Variants in SEMA5B observed in about 807,000 individuals in gnomAD.
SEMA5B encodes semaphorin-5B.
In SEMA5B, 66 loss-of-function variants were observed where a neutral mutation model predicts 135.0. The observed-to-expected ratio is 0.49, with a 90% CI of 0.40 to 0.60. The LOEUF is 0.60. Ranked by LOEUF, SEMA5B falls within the 20% of genes least tolerant of loss-of-function variation. The pLI, the probability that SEMA5B is intolerant of heterozygous loss-of-function variation, is 0.00. For missense variants in SEMA5B, 1,501 were observed against 1,566.3 expected, an observed-to-expected ratio of 0.96 and a Z score of 0.70; for synonymous variants, 690 against 639.5, an observed-to-expected ratio of 1.08 and a Z score of -1.19.
intron 1 of SEMA5B, among the ~76,000 whole-genome samples, chr3:122,962,971 C>G (rs568296631): frequency 6.6e-6 from 1 of 152,336 alleles, no homozygotes; most frequent in Non-Finnish European, 1.5e-5. Context: ...CAAGGGCACT[C>G]TGACCCCAAA....
chr3:123,015,983 T>A (rs1175362379), intron 1 of SEMA5B, among the ~76,000 whole-genome samples: 1 of 152,208 alleles, frequency 6.6e-6, no homozygotes, highest in African/African-American at 2.4e-5. Context: ...ACACAGGGAC[T>A]CATAGGCCTC....
chr3:122,911,196 G>T, intron 21 of SEMA5B, 151 bp from the exon 22 acceptor site: 1 of 1,013,480 alleles, frequency 9.9e-7, no homozygotes, highest in Non-Finnish European at 1.4e-6. Flanking sequence ...AGGGAGGCTG[G>T]GGAGGCTGTC....
rs1045182793 is a variant in SEMA5B at position 122,912,764 on chromosome 3, G to A, written c.2725+79C>T. ...GGTCACCTGGGCATTGGGGTTCCTGGGTAGGCCTGGGGCGGGGAAGGGGGC... is the reference window on the plus strand; with the variant it reads ...GGTCACCTGGGCATTGGGGTTCCTGAGTAGGCCTGGGGCGGGGAAGGGGGC... On this transcript the variant is annotated intron_variant, in intron 18 of 22. Coordinates refer to ENST00000357599, the MANE Select transcript of SEMA5B (RefSeq NM_001031702.4). 3 of 1,360,076 alleles carry A rather than the reference G, an allele frequency of 2.2e-6. No individual in the cohort carries two copies. The African/African-American group carries it at 4.5e-5, about 20-fold the overall frequency. 84.3% of individuals were successfully genotyped at this position (1,360,076 alleles called of 1,614,324 possible).
At chr3:123,027,903 C>T (rs912791887), upstream of SEMA5B, 1 of 152,148 alleles carries the variant, frequency 6.6e-6, no homozygotes, top group Non-Finnish European at 1.5e-5. Flanking sequence ...ACCCGCCAGC[C>T]TCGAGGCGCG....
chr3:123,015,407 A>G (rs1186065921), intron 1 of SEMA5B, among the ~76,000 whole-genome samples: 1 of 152,234 alleles, frequency 6.6e-6, no homozygotes, highest in African/African-American at 2.4e-5. Context: ...TGTTAACAGG[A>G]GATGCACTAG....
At chr3:122,990,218 C>A (rs1204554779) in intron 1 of SEMA5B, among the ~76,000 whole-genome samples, 1 of 152,180 alleles carries the variant, frequency 6.6e-6, no homozygotes, top group African/African-American at 2.4e-5. Context: ...ATCATTCCCT[C>A]CTCTGCTGAG....
In SEMA5B at chr3:122,962,514, T is replaced by C. The variant is rs9865757; in HGVS notation, c.-38-1213A>G. Among the ~76,000 whole-genome samples, 738 of 152,230 alleles carry C rather than the reference T, an allele frequency of 4.8e-3. 4 individuals are homozygous for C. The highest frequency in any genetic ancestry group is 0.017 in the African/African-American group (699 of 41,536). ...CGGCCACAAAATGGAAAGGGGAGAT[T>C]GCGGGAAGAACTTCCAGGTGAACTG... On this transcript the variant is annotated intron_variant, in intron 1 of 22. Transcript: ENST00000357599.
rs1281188675 is a variant in SEMA5B, at chr3:122,967,288, T to C, written c.-38-5987A>G. On this transcript the variant is annotated intron_variant, in intron 1 of 22. Transcript: ENST00000357599. ...TGTAATCTTGTAGATTTTAGGGTGGTGAAGGACCTTAGATTTCCTCCTCCT... is the reference window on the plus strand; with the variant it reads ...TGTAATCTTGTAGATTTTAGGGTGGCGAAGGACCTTAGATTTCCTCCTCCT... Among the ~76,000 whole-genome samples the C allele has an allele frequency of 1.1e-4, 16 of 152,126 alleles. No individual in the cohort carries two copies. In the East Asian group the frequency reaches 2.9e-3, roughly 27 times the overall value.
intron 1 of SEMA5B, among the ~76,000 whole-genome samples, chr3:122,995,416 G>A (rs1942001341): frequency 6.6e-6 from 1 of 152,170 alleles, no homozygotes; most frequent in African/African-American, 2.4e-5. Context: ...ACAGCCCCTG[G>A]GATGACAGGG....
At position 122,926,456 on chromosome 3, in the gene SEMA5B, C is replaced by G; in HGVS notation, c.1072G>C (p.Glu358Gln). ...RPGEVPFYYN[E>Q]LQSAFHLPEQ... Reference sequence around the variant, plus strand: ...GGCAAGTGGAAGGCACTCTGCAGCTCGTTATAGTAGAAGGGGACCTCGCCC... The same window carrying G: ...GGCAAGTGGAAGGCACTCTGCAGCTGGTTATAGTAGAAGGGGACCTCGCCC... The change falls in exon 9 of 23, where the codon GAG (glutamate) becomes CAG (glutamine). Residue 358 changes from glutamate to glutamine, a missense_variant. Physicochemically the swap from Glu to Gln is conservative, Grantham distance 29. Around this residue, in one of 2 missense-constraint regions of SEMA5B, gnomAD observed 574 missense variants for 684.7 expected, o/e 0.84. Transcript: ENST00000357599. 6.2e-7 allele frequency: 1 copy of G among 1,614,160 alleles called. No individual in the cohort carries two copies. Among genetic ancestry groups the G allele is most frequent in the Non-Finnish European group, 8.5e-7 (1 of 1,180,024 alleles).
chr3:123,011,978 G>A (rs1303866840), intron 1 of SEMA5B, among the ~76,000 whole-genome samples: 2 of 152,166 alleles, frequency 1.3e-5, no homozygotes, highest in African/African-American at 2.4e-5. Flanking sequence ...AACACCACAT[G>A]CATTTCCCGG....
At chr3:122,967,593 A>G (rs6438772) in intron 1 of SEMA5B, among the ~76,000 whole-genome samples, 62,905 of 152,032 alleles carry the variant, frequency 0.41, 13,184 homozygotes, top group African/African-American at 0.47. Flanking sequence ...GGAGTATAGG[A>G]GCCCAGCCCC....
chr3:122,948,833 C>T, intron 2 of SEMA5B, 124 bp from the exon 3 acceptor site: 1 of 792,504 alleles, frequency 1.3e-6, no homozygotes. Context: ...ATTTATGTTA[C>T]TCAGAGTTTG....
intron 1 of SEMA5B, among the ~76,000 whole-genome samples, chr3:123,007,301 C>T (rs1942338785): frequency 6.6e-6 from 1 of 152,072 alleles, no homozygotes; most frequent in African/African-American, 2.4e-5. Context: ...AGACCCTGAC[C>T]CTCCCCTCAT....
At chr3:122,961,084 T>C (rs941918700) in intron 2 of SEMA5B, 56 bp downstream of exon 2, 4 of 1,515,790 alleles carry the variant, frequency 2.6e-6, no homozygotes, top group Non-Finnish European at 3.6e-6. Flanking sequence ...TTCTCCCTGC[T>C]CTCCCCTCAG....
chr3:122,943,374 A>G, intron 4 of SEMA5B, 62 bp downstream of exon 4: 2 of 1,192,016 alleles, frequency 1.7e-6, no homozygotes, highest in African/African-American at 1.5e-5. Context: ...CCTGAATAAT[A>G]TTCCCTCTAC....
intron 7 of SEMA5B, 69 bp from the exon 8 acceptor site, chr3:122,928,072 GT>G: frequency 3.3e-6 from 4 of 1,208,782 alleles, no homozygotes; most frequent in Non-Finnish European, 4.5e-6. Flanking sequence ...TTCCATCTGA[GT>G]TTTGTTTCCT....
chr3:122,954,969 T>C (rs1432607412), intron 2 of SEMA5B, among the ~76,000 whole-genome samples: 2 of 139,768 alleles, frequency 1.4e-5, no homozygotes, highest in Non-Finnish European at 3.1e-5. Flanking sequence ...TTTTGTTTTT[T>C]GTTTTTTTTT....
intron 1 of SEMA5B, among the ~76,000 whole-genome samples, chr3:122,971,260 A>G (rs536139345): frequency 6.6e-6 from 1 of 152,372 alleles, no homozygotes; most frequent in South Asian, 2.1e-4. Flanking sequence ...TCAGTGCTAT[A>G]TCCCTAGCTG....
Sources: gnomAD v4.1 joint callset for allele counts (sites outside exome capture counted in the v4.1 genomes callset) on GRCh38, gnomAD v4.1.1 for gene constraint, gnomAD v4.1.1 regional missense constraint, MANE v1.5 for transcripts, NCBI Gene and HGNC (gene_info 2026-07-23, HGNC 2026-07-21) for gene names.